GEMIN5: variants seen among roughly 807,000 people sequenced by gnomAD.
GEMIN5 encodes the protein gem nuclear organelle associated protein 5, also known as gem-associated protein 5.
Under a neutral mutation model 176.9 loss-of-function variants are expected in GEMIN5, and 124 were observed. The ratio of observed to expected loss-of-function variants is 0.70; its 90% CI spans 0.61 to 0.81. The LOEUF (loss-of-function observed/expected upper bound fraction) is 0.81. Ranked by LOEUF, GEMIN5 falls within the 40% of genes least tolerant of loss-of-function variation. GEMIN5 has a pLI of 0.00. For missense variants in GEMIN5, 1,843 were observed against 1,814.6 expected, an observed-to-expected ratio of 1.02 and a Z score of -0.28; for synonymous variants, 673 against 665.2, an observed-to-expected ratio of 1.01 and a Z score of -0.18.
intron 14 of GEMIN5, among the ~76,000 whole-genome samples, chr5:154,912,383 A>C (rs1048199002): frequency 1.6e-4 from 24 of 152,334 alleles, no homozygotes; most frequent in African/African-American, 5.1e-4. Flanking sequence ...CTTTGTGCAG[A>C]CATCTCAATT....
intron 9 of GEMIN5, 97 bp downstream of exon 9, chr5:154,924,372 C>T (rs558330898): frequency 5.0e-5 from 36 of 713,900 alleles, no homozygotes; most frequent in African/African-American, 4.8e-4. Flanking sequence ...GAAAAGGCAA[C>T]GTTATGAAAA....
chr5:154,892,484 G>A lies in GEMIN5; in HGVS notation c.3663C>T (p.Asp1221=), dbSNP rs1456776634. ...AVLSQQMASW[D]EAVQALLRAV... ...CCCGAAGGAGCGCCTGCACAGCCTC[G>A]TCCCAGGAGGCCATCTGTTGGCTCA... Residue 1221 remains aspartate (D), a synonymous_variant, in exon 25 of 28, where the codon GAC becomes GAT. Transcript: ENST00000285873. The A allele has an allele frequency of 3.7e-6, 6 of 1,613,992 alleles. No homozygotes were observed. Among genetic ancestry groups the A allele is most frequent in the Non-Finnish European group, 4.2e-6 (5 of 1,179,952 alleles).
chr5:154,922,450 C>T (rs1025214116), intron 9 of GEMIN5, among the ~76,000 whole-genome samples: 53 of 151,990 alleles, frequency 3.5e-4, no homozygotes, highest in African/African-American at 1.2e-3. Context: ...CCACTGTGCC[C>T]GGCCTACTTT....
intron 18 of GEMIN5, among the ~76,000 whole-genome samples, chr5:154,903,640 T>C (rs1028437994): frequency 6.6e-6 from 1 of 152,078 alleles, no homozygotes; most frequent in African/African-American, 2.4e-5. Flanking sequence ...AAACTGATAA[T>C]AGTTTGATTA....
intron 2 of GEMIN5, 117 bp from the exon 3 acceptor site, chr5:154,936,139 G>A (rs796534529): frequency 4.6e-5 from 31 of 668,400 alleles, no homozygotes; most frequent in African/African-American, 2.7e-4. Context: ...TAATACGGCC[G>A]GGCGCGGTGG....
In GEMIN5 at chr5:154,916,974, C is replaced by T. The variant is rs561066677; in HGVS notation, c.1855+24G>A. Reference sequence around the variant, plus strand: ...GTAGCTGAACAAACGATATCATCCCCAGTATGAAAGAAACCAAAGTTACCT... The same window carrying T: ...GTAGCTGAACAAACGATATCATCCCTAGTATGAAAGAAACCAAAGTTACCT... On this transcript the variant is annotated intron_variant, in intron 13 of 27. Coordinates refer to ENST00000285873, the MANE Select transcript of GEMIN5 (RefSeq NM_015465.5). 14 of 1,368,844 alleles carry T rather than the reference C, an allele frequency of 1.0e-5. No homozygotes were observed. The Admixed American group carries it at 2.5e-4, about 25-fold the overall frequency. The allele number at this position is 1,368,844 out of a possible 1,614,324, so 84.8% of individuals were successfully genotyped here.
chr5:154,904,608 T>G lies in GEMIN5; in HGVS notation c.2531A>C (p.Lys844Thr). ...ACTCAGGGGAAGCAAGGAACGAGCT[T>G]TTCTCTTCTTGATTAAGGTTTCTGA... ...EKPETLIKKR[K>T]ARSLLPLSTS... The change falls in exon 18 of 28, where the codon AAA (lysine) becomes ACA (threonine). Residue 844 changes from lysine (K) to threonine (T), a missense_variant. Lys to Thr is a moderately conservative substitution (Grantham distance 78). Transcript: ENST00000285873. 1 of 1,611,608 alleles carries G rather than the reference T, an allele frequency of 6.2e-7. No individual in the cohort carries two copies. Among genetic ancestry groups the G allele is most frequent in the Non-Finnish European group, 8.5e-7 (1 of 1,177,778 alleles).
chr5:154,919,429 A>C (rs1387373165), intron 11 of GEMIN5, among the ~76,000 whole-genome samples: 2 of 152,202 alleles, frequency 1.3e-5, no homozygotes, highest in African/African-American at 4.8e-5. Context: ...GAGAACACAA[A>C]TGTAATTAAA....
rs779036649 is a variant in GEMIN5, at chr5:154,898,410, G to C, written c.3345+30C>G. 1.7e-5 allele frequency: 27 copies of C among 1,554,296 alleles called. No homozygotes were observed. In the East Asian group the frequency reaches 1.8e-4, roughly 10 times the overall value. The stretch of plus-strand genomic sequence containing the variant: ...AAAGGATTTGGGACACTTCCCTCTT[G>C]TATACTAGGAGATGAAATAACAGAC... On this transcript the variant is annotated intron_variant, in intron 23 of 27. Transcript: ENST00000285873.
chr5:154,930,334 G>A (rs1334267494), intron 5 of GEMIN5, among the ~76,000 whole-genome samples: 3 of 152,188 alleles, frequency 2.0e-5, no homozygotes, highest in African/African-American at 7.2e-5. Context: ...GCTCACCATT[G>A]CTCCATCTGT....
intron 22 of GEMIN5, 133 bp from the exon 23 acceptor site, chr5:154,898,783 C>CG: frequency 1.4e-6 from 1 of 736,532 alleles, no homozygotes; most frequent in South Asian, 1.7e-5. Flanking sequence ...GTCACTGCCC[C>CG]GGTTGTTCCT....
chr5:154,908,408 T>C (rs969684126), intron 15 of GEMIN5, among the ~76,000 whole-genome samples: 4 of 152,108 alleles, frequency 2.6e-5, no homozygotes, highest in Non-Finnish European at 5.9e-5. Flanking sequence ...CTCAAACTCC[T>C]GACCTCAGGT....
intron 19 of GEMIN5, 134 bp from the exon 20 acceptor site, chr5:154,902,810 C>T (rs149836438): frequency 3.4e-6 from 3 of 873,688 alleles, no homozygotes; most frequent in East Asian, 2.5e-5. Context: ...GTGTCACCTA[C>T]CAGAGTGATT....
chr5:154,921,380 A>C lies in GEMIN5; in HGVS notation c.1425T>G (p.Thr475=), dbSNP rs348739. 1,324,887 of 1,495,164 alleles carry C rather than the reference A, an allele frequency of 0.89. 590,818 individuals carry two copies. The highest frequency in any genetic ancestry group is 0.91 in the Non-Finnish European group (984,479 of 1,081,006). 92.6% of individuals were successfully genotyped at this position (1,495,164 alleles called of 1,614,324 possible). A position where few individuals can be genotyped will look rare whatever the true frequency, so the allele number is the denominator to read the frequency against. ...GGGGTACTGGTGGCCCCCAGGCTAAAGTATATACAGTCTTCTTATGATATG... is the reference window on the plus strand; with the variant it reads ...GGGGTACTGGTGGCCCCCAGGCTAACGTATATACAGTCTTCTTATGATATG... The part of the protein sequence containing the change: ...SSTYHKKTVY[T]LAWGPPVPPM... Residue 475 remains threonine (T), a synonymous_variant, in exon 10 of 28, where the codon ACT becomes ACG. Coordinates refer to ENST00000285873, the MANE Select transcript of GEMIN5 (RefSeq NM_015465.5).
chr5:154,913,559 C>T (rs563590795), intron 13 of GEMIN5, among the ~76,000 whole-genome samples: 3 of 152,304 alleles, frequency 2.0e-5, no homozygotes, highest in African/African-American at 7.2e-5. Context: ...CGTGTCGGCT[C>T]ACGCCTATAA....
rs151076397 is a variant in GEMIN5, at chr5:154,934,164, C to A, written c.509+1677G>T. Among the ~76,000 whole-genome samples, 126 of 152,176 alleles carry A rather than the reference C, an allele frequency of 8.3e-4. 1 individual carries two copies. In the East Asian group the frequency reaches 0.02, roughly 25 times the overall value. On this transcript the variant is annotated intron_variant, in intron 3 of 27. Coordinates refer to ENST00000285873, the MANE Select transcript of GEMIN5 (RefSeq NM_015465.5). ...CTGAGTAGCTGGGCTTACAGGTGTG[C>A]GCCACCAAGTCTGGCTAATTTTTGT...
rs1763830280 is a variant in GEMIN5 at position 154,917,197 on chromosome 5, T to A, written c.1674-18A>T. ...CTATTGATCTGGAATAAGAAACACA[T>A]CAAAACAAGAAAGATGGATGATCAA... On this transcript the variant is annotated intron_variant, in intron 12 of 27. Transcript: ENST00000285873. 7.2e-7 allele frequency: 1 copy of A among 1,385,094 alleles called. No homozygotes were observed. The highest frequency in any genetic ancestry group is 1.5e-5 in the African/African-American group (1 of 68,902). 85.8% of individuals were successfully genotyped at this position (1,385,094 alleles called of 1,614,324 possible).
Position 154,887,982 on chromosome 5 carries a change from G to T in GEMIN5, c.*228C>A. On this transcript the variant is annotated 3_prime_UTR_variant, in exon 28 of 28. Coordinates refer to ENST00000285873, the MANE Select transcript of GEMIN5 (RefSeq NM_015465.5). ...TGTTAGTTCTGAATAACTACTGTGG[G>T]CTTTTCATGATCTTCCCTCCAGTAG... 7.8e-6 allele frequency: 4 copies of T among 511,704 alleles called. No individual in the cohort carries two copies. The South Asian group carries it at 8.8e-5, about 11-fold the overall frequency. 31.7% of individuals were successfully genotyped at this position (511,704 alleles called of 1,614,324 possible).
chr5:154,927,063 AACACT>A (rs1487364787), intron 7 of GEMIN5, among the ~76,000 whole-genome samples: 7 of 151,000 alleles, frequency 4.6e-5, no homozygotes, highest in Admixed American at 6.6e-5. Context: ...AAAAAAAAAA[AACACT>A]AACACTAACA....
Sources: allele counts gnomAD v4.1 joint callset (sites outside exome capture counted in the v4.1 genomes callset), GRCh38; gene constraint gnomAD v4.1.1; transcripts MANE v1.5; gene names NCBI Gene and HGNC (gene_info 2026-07-23, HGNC 2026-07-21).